GASK1B: variants seen among roughly 807,000 people sequenced by gnomAD.
GASK1B encodes the protein Golgi-associated kinase 1B.
A neutral mutation model predicts 42.8 loss-of-function variants in GASK1B; 34 were observed. The ratio of observed to expected loss-of-function variants is 0.79; its 90% CI spans 0.60 to 1.06. The LOEUF (loss-of-function observed/expected upper bound fraction) is 1.06. Among genes scored for constraint, GASK1B ranks in the 50% least tolerant of loss-of-function variants. The probability of loss-of-function intolerance (pLI) is 0.00; values close to 1 mark genes in which losing one functional copy is unlikely to be tolerated. For synonymous variants in GASK1B, 262 were observed against 259.1 expected (o/e 1.01, Z -0.11); for missense variants, 686 against 661.0 (o/e 1.04, Z -0.42).
chr4:158,129,368 T>A (rs973364032), intron 4 of GASK1B, among the ~76,000 whole-genome samples: 6 of 152,272 alleles, frequency 3.9e-5, no homozygotes, highest in Admixed American at 6.5e-5. Context: ...TACATAAAAT[T>A]TCCTTAGCTT....
In GASK1B at chr4:158,127,373, A is replaced by T. The variant is rs778703170; in HGVS notation, c.*34T>A. On this transcript the variant is annotated 3_prime_UTR_variant, in exon 5 of 5. Coordinates refer to ENST00000585682, the MANE Select transcript of GASK1B (RefSeq NM_001128424.2). ...TAAAAACAAAACCAAAAATGCATAA[A>T]TATATCTAACACCCTAGCCAGAAGA... is the stretch of plus-strand genomic sequence containing the variant. 2.5e-6 allele frequency: 4 copies of T among 1,578,822 alleles called. No individual in the cohort carries two copies. In the South Asian group the frequency reaches 3.4e-5, roughly 14 times the overall value.
intron 2 of GASK1B, chr4:158,159,630 C>T: frequency 3.4e-6 from 1 of 293,910 alleles, no homozygotes; most frequent in South Asian, 2.7e-5. Flanking sequence ...AAAATTCTGT[C>T]ACAGTGGTGA....
At chr4:158,132,411 A>C (rs1357856905) in intron 3 of GASK1B, among the ~76,000 whole-genome samples, 1 of 152,200 alleles carries the variant, frequency 6.6e-6, no homozygotes, top group Non-Finnish European at 1.5e-5. Context: ...TCATTTATCC[A>C]ACAAACAGTT....
chr4:158,154,415 T>TGTA (rs942573529), intron 3 of GASK1B, among the ~76,000 whole-genome samples: 6 of 152,212 alleles, frequency 3.9e-5, no homozygotes, highest in African/African-American at 1.4e-4. Flanking sequence ...CTGGTGGGAA[T>TGTA]GTAAACTAGT....
chr4:158,156,085 G>A lies in GASK1B; in HGVS notation c.911-260C>T, dbSNP rs946144503. 3.2e-4 allele frequency among the ~76,000 whole-genome samples: 49 copies of A among 152,148 alleles called. 3 individuals carry two copies. The highest frequency in any genetic ancestry group is 2.9e-5 in the Non-Finnish European group (2 of 68,018). ...AACGAGATATTTTATAGATGTGGCAGGAATAGGCTACTAAGCACCAATAAC... is the reference window on the plus strand; with the variant it reads ...AACGAGATATTTTATAGATGTGGCAAGAATAGGCTACTAAGCACCAATAAC... On this transcript the variant is annotated intron_variant, in intron 2 of 4. Coordinates refer to ENST00000585682, the MANE Select transcript of GASK1B (RefSeq NM_001128424.2).
At chr4:158,140,787 T>A (rs1400097430) in intron 3 of GASK1B, among the ~76,000 whole-genome samples, 2 of 152,208 alleles carry the variant, frequency 1.3e-5, no homozygotes, top group African/African-American at 4.8e-5. Context: ...AAGTCTCTCA[T>A]CTTTCTAGCC....
chr4:158,170,211 GA>G, intron 2 of GASK1B: 1 of 1,605,528 alleles, frequency 6.2e-7, no homozygotes, highest in South Asian at 1.1e-5. Context: ...TGAAGCGAGG[GA>G]AATGGAGAGC....
intron 2 of GASK1B, chr4:158,170,206 C>G (rs369885932): frequency 6.2e-7 from 1 of 1,601,198 alleles, no homozygotes; most frequent in Non-Finnish European, 8.5e-7. Flanking sequence ...GGAAGTGAAG[C>G]GAGGGAAATG....
chr4:158,150,007 C>T (rs1485581038), intron 3 of GASK1B, among the ~76,000 whole-genome samples: 3 of 140,516 alleles, frequency 2.1e-5, no homozygotes, highest in Non-Finnish European at 4.5e-5. Flanking sequence ...TCACTGCAAG[C>T]TCCGCCTCCC....
intron 2 of GASK1B, among the ~76,000 whole-genome samples, chr4:158,163,228 A>G (rs1732094079): frequency 6.6e-6 from 1 of 152,278 alleles, no homozygotes; most frequent in Admixed American, 6.5e-5. Flanking sequence ...CTAAAGAAGC[A>G]TATCATAAAG....
chr4:158,170,787 G>A lies in GASK1B; in HGVS notation c.589C>T (p.Gln197Ter), dbSNP rs1336551434. The change falls in exon 2 of 5, where the codon CAG (glutamine) becomes TAG (stop). Residue 197 changes from glutamine to a stop codon, truncating the protein, a stop_gained. Transcript: ENST00000585682. LOFTEE classifies it high-confidence loss of function. ...GVRAGGPDFLQPSSRESNIRI... is the reference protein window; with the variant it reads ...GVRAGGPDFL ...ATGTTGCTCTCCCTGGAGCTGGGCT[G>A]CAGGAAGTCTGGGCCCCCGGCTCGC... The A allele has an allele frequency of 6.2e-7, 1 of 1,614,098 alleles. No homozygotes were observed. The highest frequency in any genetic ancestry group is 2.2e-5 in the East Asian group (1 of 44,890).
intron 3 of GASK1B, among the ~76,000 whole-genome samples, chr4:158,135,193 C>T (rs1038392712): frequency 5.3e-5 from 8 of 151,522 alleles, no homozygotes; most frequent in African/African-American, 1.5e-4. Context: ...TGGTGGCACA[C>T]ACCTGTAATC....
intron 3 of GASK1B, among the ~76,000 whole-genome samples, chr4:158,154,757 T>C (rs1731693721): frequency 6.6e-6 from 1 of 152,162 alleles, no homozygotes; most frequent in African/African-American, 2.4e-5. Flanking sequence ...AACTCAGGAA[T>C]GGAAAACCAA....
rs370382961 is a variant in GASK1B at position 158,170,225 on chromosome 4, A to C, written c.910+241T>G. On this transcript the variant is annotated intron_variant, in intron 2 of 4. Coordinates refer to ENST00000585682, the MANE Select transcript of GASK1B (RefSeq NM_001128424.2). ...GTGAAGCGAGGGAAATGGAGAGCAAAGATTATACAGTATGGGCTTACTCTT... is the reference window on the plus strand; with the variant it reads ...GTGAAGCGAGGGAAATGGAGAGCAACGATTATACAGTATGGGCTTACTCTT... The C allele has an allele frequency of 1.4e-5, 22 of 1,611,074 alleles. No homozygotes were observed. The African/African-American group carries it at 2.4e-4, about 18-fold the overall frequency.
At chr4:158,133,712 T>C (rs1730770962) in intron 3 of GASK1B, among the ~76,000 whole-genome samples, 1 of 152,238 alleles carries the variant, frequency 6.6e-6, no homozygotes, top group Admixed American at 6.5e-5. Flanking sequence ...GTACTTCGTC[T>C]GATCTAATTT....
intron 3 of GASK1B, among the ~76,000 whole-genome samples, chr4:158,146,729 A>G (rs2110969417): frequency 6.6e-6 from 1 of 152,286 alleles, no homozygotes; most frequent in East Asian, 1.9e-4. Context: ...TCTTTGGTCA[A>G]AAAGCAAGTT....
chr4:158,141,181 C>T (rs925914636), intron 3 of GASK1B, among the ~76,000 whole-genome samples: 1 of 152,022 alleles, frequency 6.6e-6, no homozygotes, highest in African/African-American at 2.4e-5. Context: ...GTATTAAGTT[C>T]TAGAGGCTTT....
chr4:158,163,584 A>AG (rs1491156581), intron 2 of GASK1B, among the ~76,000 whole-genome samples: 5 of 152,136 alleles, frequency 3.3e-5, no homozygotes, highest in African/African-American at 1.2e-4. Flanking sequence ...AAAAAAAAAA[A>AG]AGAGTGTTAG....
intron 3 of GASK1B, among the ~76,000 whole-genome samples, chr4:158,141,566 G>C (rs1475298739): frequency 6.6e-6 from 1 of 150,950 alleles, no homozygotes; most frequent in Non-Finnish European, 1.5e-5. Context: ...GCCCAAAAGG[G>C]AGATTCATAG....
Sources: allele counts gnomAD v4.1 joint callset (sites outside exome capture counted in the v4.1 genomes callset), GRCh38; gene constraint gnomAD v4.1.1; transcripts MANE v1.5; gene names NCBI Gene and HGNC (gene_info 2026-07-23, HGNC 2026-07-21).